Variants in NOMO2 observed in about 807,000 individuals in gnomAD.
NOMO2 encodes NODAL modulator 2, also known as BOS complex subunit NOMO2.
NOMO2 carries 14 observed loss-of-function variants against 67.1 expected under a neutral mutation model. That is an observed-to-expected ratio of 0.21 (90% confidence interval 0.14 to 0.33). The LOEUF (loss-of-function observed/expected upper bound fraction) is 0.33, where lower values mean the gene tolerates loss of function less well. NOMO2 is among the 10% of genes least tolerant of loss of function. The pLI is 1.00. For missense variants in NOMO2, 178 were observed against 761.0 expected, an observed-to-expected ratio of 0.23 and a Z score of 9.01; for synonymous variants, 80 against 305.9, an observed-to-expected ratio of 0.26 and a Z score of 7.71.
chr16:18,557,176 G>A (rs572427910), intron 2 of NOMO2, among the ~76,000 whole-genome samples: 5 of 152,062 alleles, frequency 3.3e-5, no homozygotes, highest in Non-Finnish European at 5.9e-5. Context: ...GATTATCAGA[G>A]GTTATCACTA....
At chr16:18,536,687 G>A (rs577782239) in intron 11 of NOMO2, among the ~76,000 whole-genome samples, 34 of 152,226 alleles carry the variant, frequency 2.2e-4, no homozygotes, top group African/African-American at 6.3e-4. Flanking sequence ...TGTCTCCCTG[G>A]AAGGGTGAAA....
chr16:18,542,697 C>T lies in NOMO2; in HGVS notation c.770G>A (p.Gly257Glu). ...CAGACTCTCGTCTTGGGGCTGGAAC[C>T]CAGGCACTGGTGAGACATTGCAGCC... ...VLGCNVSPVP[G>E]FQPQDESLVY... Residue 257 changes from glycine (G) to glutamate (E), a missense_variant, in exon 8 of 31, where the codon GGG (glycine) becomes GAG (glutamate). Gly to Glu is a moderately conservative substitution (Grantham distance 98). Transcript: ENST00000622306. 1.8e-6 allele frequency: 1 copy of T among 542,590 alleles called. No homozygotes were observed. The allele number at this position is 542,590 out of a possible 1,614,324, so 33.6% of individuals were successfully genotyped here.
chr16:18,550,425 C>T (rs1223627722), intron 4 of NOMO2, among the ~76,000 whole-genome samples: 3 of 149,906 alleles, frequency 2.0e-5, no homozygotes, highest in African/African-American at 7.3e-5. Context: ...TTTTGCAAAC[C>T]ATCGATAAAG....
chr16:18,541,797 G>A (rs1246386701), intron 9 of NOMO2, among the ~76,000 whole-genome samples: 2 of 139,834 alleles, frequency 1.4e-5, no homozygotes, highest in Admixed American at 1.5e-4. Flanking sequence ...AGATGAGATC[G>A]TACCACTGCA....
At chr16:18,536,346 A>G (rs1901422487) in intron 11 of NOMO2, among the ~76,000 whole-genome samples, 1 of 152,150 alleles carries the variant, frequency 6.6e-6, no homozygotes, top group African/African-American at 2.4e-5. Flanking sequence ...CAGAGCTCCC[A>G]CTCTAAATTA....
chr16:18,537,134 T>G (rs1160788625), intron 11 of NOMO2, among the ~76,000 whole-genome samples: 1 of 152,072 alleles, frequency 6.6e-6, no homozygotes, highest in Non-Finnish European at 1.5e-5. Context: ...CGGCCAAATC[T>G]TCAGGATTTA....
chr16:18,536,800 G>T (rs1414787496), intron 11 of NOMO2, among the ~76,000 whole-genome samples: 1 of 152,170 alleles, frequency 6.6e-6, no homozygotes, highest in African/African-American at 2.4e-5. Context: ...AGGTGGGAAA[G>T]ACTTAAATCC....
Position 18,531,446 on chromosome 16 carries a change from AC to A in NOMO2, c.1537+19del, listed in dbSNP as rs2141720982. Reference sequence around the variant, plus strand: ...GACTTCTTTGAAACTATGTGTTCTTACTTTCCAGTGATATCTTACCCAAACA... The same window carrying A: ...GACTTCTTTGAAACTATGTGTTCTTATTTCCAGTGATATCTTACCCAAACA... On this transcript the variant is annotated intron_variant, in intron 13 of 30. Transcript: ENST00000622306. The A allele has an allele frequency of 6.2e-7, 1 of 1,613,158 alleles. No homozygotes were observed. The highest frequency in any genetic ancestry group is 1.3e-5 in the African/African-American group (1 of 74,874).
chr16:18,528,644 C>T (rs565218830), intron 15 of NOMO2, among the ~76,000 whole-genome samples: 2 of 151,852 alleles, frequency 1.3e-5, no homozygotes, highest in African/African-American at 2.4e-5. Context: ...CAGCTTCTTC[C>T]CCTGCGCTGG....
Position 18,561,581 on chromosome 16 carries a change from AT to A in NOMO2, c.165+294del, listed in dbSNP as rs553237680. On this transcript the variant is annotated intron_variant, in intron 1 of 30. Coordinates refer to ENST00000622306, the MANE Select transcript of NOMO2 (RefSeq NM_173614.4). ...AGAAATGGAGTCTGGGCTCCAGGGA[AT>A]TTAGGGTCTGGGTTTTGAGGATCTG... 4.3e-3 allele frequency among the ~76,000 whole-genome samples: 653 copies of A among 150,864 alleles called. 11 individuals are homozygous for A. The highest frequency in any genetic ancestry group is 0.015 in the African/African-American group (625 of 40,798).
chr16:18,531,741 T>C, intron 12 of NOMO2, 134 bp from the exon 13 acceptor site: 6 of 1,516,044 alleles, frequency 4.0e-6, no homozygotes, highest in Non-Finnish European at 5.3e-6. Context: ...TCCAGGCCAA[T>C]TTTACAATCA....
intron 15 of NOMO2, among the ~76,000 whole-genome samples, chr16:18,528,996 T>C (rs1365490310): frequency 0.012 from 9 of 738 alleles, no homozygotes; most frequent in Non-Finnish European, 0.029. Context: ...AAAATACATA[T>C]ATATATATAT....
chr16:18,553,045 G>A (rs1169004552), intron 3 of NOMO2, among the ~76,000 whole-genome samples: 6 of 151,864 alleles, frequency 4.0e-5, no homozygotes, highest in South Asian at 4.1e-4. Context: ...AGGCCAAAGC[G>A]GGCAGATCAC....
At chr16:18,531,635 G>T in intron 12 of NOMO2, 28 bp from the exon 13 acceptor site, 1 of 1,611,758 alleles carries the variant, frequency 6.2e-7, no homozygotes, top group South Asian at 1.1e-5. Context: ...GAACGTTAGA[G>T]GCTGCATTCG....
chr16:18,531,531 C>G lies in NOMO2; in HGVS notation c.1472G>C (p.Arg491Thr). The G allele has an allele frequency of 6.2e-7, 1 of 1,604,844 alleles. No homozygotes were observed. ...PQTFPLTVTD[R>T]PVMDVAFVQF... ...TACAAAGGCCACATCCATCACGGGC[C>G]TGTCGGTCACAGTAAGAGGAAATGT... Residue 491 changes from arginine to threonine, a missense_variant, in exon 13 of 31, where the codon AGG becomes ACG. Transcript: ENST00000622306.
intron 5 of NOMO2, among the ~76,000 whole-genome samples, chr16:18,547,673 A>G (rs1901683485): frequency 6.6e-6 from 1 of 151,876 alleles, no homozygotes; most frequent in Admixed American, 6.6e-5. Flanking sequence ...AAGGGGACAG[A>G]AGTGTCCAAG....
intron 1 of NOMO2, chr16:18,558,753 T>C (rs1031288188): frequency 1.9e-4 from 86 of 441,618 alleles, no homozygotes; most frequent in Middle Eastern, 9.9e-4. Flanking sequence ...ACGTGTTGTG[T>C]GGCCTTGGGC....
chr16:18,539,779 C>T (rs1458367435), intron 9 of NOMO2, among the ~76,000 whole-genome samples: 2 of 151,942 alleles, frequency 1.3e-5, no homozygotes, highest in African/African-American at 4.8e-5. Context: ...CTAGACCACC[C>T]TCCTCCACCA....
At chr16:18,559,357 G>A (rs1386955248) in intron 1 of NOMO2, among the ~76,000 whole-genome samples, 2 of 151,444 alleles carry the variant, frequency 1.3e-5, no homozygotes, top group African/African-American at 4.9e-5. Context: ...GAAGCAGTTG[G>A]GTCTGATGCA....
Sources: allele counts gnomAD v4.1 joint callset (sites outside exome capture counted in the v4.1 genomes callset), GRCh38; gene constraint gnomAD v4.1.1; transcripts MANE v1.5; gene names NCBI Gene and HGNC (gene_info 2026-07-23, HGNC 2026-07-21).